Variants in DCC observed in about 807,000 individuals in gnomAD.
DCC encodes the protein DCC netrin 1 receptor.
DCC carries 58 observed loss-of-function variants against 172.5 expected under a neutral mutation model. That is an observed-to-expected ratio of 0.34 (90% CI 0.27 to 0.42). The LOEUF is 0.42. DCC is among the 10% of genes least tolerant of loss of function. The pLI, the probability that DCC is intolerant of heterozygous loss-of-function variation, is 1.00. For synonymous variants in DCC, 709 were observed against 644.5 expected (o/e 1.10, Z -1.52); for missense variants, 1,740 against 1,791.0 (o/e 0.97, Z 0.51).
intron 22 of DCC, among the ~76,000 whole-genome samples, chr18:53,446,098 C>CAAAAAAAAAAAAAAAAAAAA (rs1246126122): frequency 3.1e-5 from 1 of 32,280 alleles, no homozygotes; most frequent in Non-Finnish European, 1.1e-4. Context: ...CCTGTCTCTA[C>CAAAAAAAAAAAAAAAAAAAA]AAAAAAAAAA....
At chr18:53,350,584 G>T (rs1363197888) in intron 15 of DCC, among the ~76,000 whole-genome samples, 3 of 117,008 alleles carry the variant, frequency 2.6e-5, no homozygotes, top group Non-Finnish European at 5.7e-5. Flanking sequence ...TCTCCATAAT[G>T]TTTAATACTG....
At position 52,800,580 on chromosome 18, in the gene DCC, A is replaced by T. The variant is rs4940215; in HGVS notation, c.412+48206A>T. Among the ~76,000 whole-genome samples the T allele has an allele frequency of 1.3e-3, 198 of 152,240 alleles. 2 individuals carry two copies. Among genetic ancestry groups the T allele is most frequent in the African/African-American group, 4.4e-3 (182 of 41,536 alleles). ...TCAGTTGAAAATGGTGTTGACGGTG[A>T]GGTTAGATGCAGATAAAAAATAATC... On this transcript the variant is annotated intron_variant, in intron 2 of 28. Coordinates refer to ENST00000442544, the MANE Select transcript of DCC (RefSeq NM_005215.4).
At chr18:53,066,399 G>A (rs372296862) in intron 7 of DCC, among the ~76,000 whole-genome samples, 941 of 83,460 alleles carry the variant, frequency 0.011, 2 homozygotes, top group Non-Finnish European at 0.019. Flanking sequence ...ATATATATAT[G>A]TGCATGTGTG....
intron 1 of DCC, among the ~76,000 whole-genome samples, chr18:52,485,958 G>A (rs979167899): frequency 2.0e-5 from 3 of 151,816 alleles, no homozygotes; most frequent in Non-Finnish European, 2.9e-5. Context: ...AAAGACACTG[G>A]TATGTTTCTA....
At chr18:52,366,190 C>T (rs945522045) in intron 1 of DCC, among the ~76,000 whole-genome samples, 9 of 152,092 alleles carry the variant, frequency 5.9e-5, no homozygotes, top group Admixed American at 5.9e-4. Flanking sequence ...AATATTAGTA[C>T]TAATGTGTCC....
intron 1 of DCC, among the ~76,000 whole-genome samples, chr18:52,537,197 C>CAATAAGTT: frequency 6.6e-6 from 1 of 152,070 alleles, no homozygotes; most frequent in Non-Finnish European, 1.5e-5. Context: ...AAACTGAAAA[C>CAATAAGTT]AATAAGTTGC....
intron 15 of DCC, among the ~76,000 whole-genome samples, chr18:53,362,774 C>G (rs977053117): frequency 6.6e-6 from 1 of 151,742 alleles, no homozygotes; most frequent in African/African-American, 2.4e-5. Flanking sequence ...AAGAAGGGAC[C>G]CTTCCACCGC....
intron 19 of DCC, among the ~76,000 whole-genome samples, chr18:53,406,563 A>G (rs1275481700): frequency 2.0e-5 from 3 of 151,924 alleles, no homozygotes; most frequent in Non-Finnish European, 2.9e-5. Flanking sequence ...AATTAGCCAG[A>G]CATGATAGCA....
chr18:52,375,545 G>A (rs1308518306), intron 1 of DCC, among the ~76,000 whole-genome samples: 1 of 152,174 alleles, frequency 6.6e-6, no homozygotes, highest in Non-Finnish European at 1.5e-5. Flanking sequence ...ATGCTGCTAA[G>A]TGTTTAACAC....
At chr18:53,013,189 A>G (rs1395650247) in intron 5 of DCC, among the ~76,000 whole-genome samples, 1 of 152,150 alleles carries the variant, frequency 6.6e-6, no homozygotes, top group Non-Finnish European at 1.5e-5. Flanking sequence ...TAGAACCACA[A>G]ATACCATTTG....
chr18:53,035,874 T>C (rs2042085811), intron 5 of DCC, among the ~76,000 whole-genome samples: 1 of 149,270 alleles, frequency 6.7e-6, no homozygotes, highest in Admixed American at 6.6e-5. Flanking sequence ...CTTCCATACA[T>C]ATTTGCATAC....
chr18:52,993,114 G>T (rs2041422246), intron 5 of DCC, among the ~76,000 whole-genome samples: 2 of 151,960 alleles, frequency 1.3e-5, no homozygotes, highest in South Asian at 2.1e-4. Flanking sequence ...TGCCATAAAG[G>T]TAAGTTAAAT....
At chr18:53,473,361 A>G (rs1326010379) in intron 25 of DCC, among the ~76,000 whole-genome samples, 1 of 152,180 alleles carries the variant, frequency 6.6e-6, no homozygotes, top group Non-Finnish European at 1.5e-5. Flanking sequence ...ATATCTGTCG[A>G]ATGAAAAAAC....
intron 5 of DCC, among the ~76,000 whole-genome samples, chr18:53,057,817 T>C (rs1019967945): frequency 6.6e-6 from 1 of 151,986 alleles, no homozygotes; most frequent in African/African-American, 2.4e-5. Flanking sequence ...GAAAGCGTAA[T>C]GTGCAAAGGG....
chr18:52,957,004 A>G (rs1306918585), intron 5 of DCC, among the ~76,000 whole-genome samples: 1 of 152,136 alleles, frequency 6.6e-6, no homozygotes, highest in African/African-American at 2.4e-5. Flanking sequence ...GTGCCCTAGG[A>G]TTGATGTAAA....
chr18:53,182,331 C>T (rs2055210165), intron 9 of DCC, among the ~76,000 whole-genome samples: 1 of 152,116 alleles, frequency 6.6e-6, no homozygotes. Flanking sequence ...TATTAAATTA[C>T]CCATTTTCTT....
intron 13 of DCC, among the ~76,000 whole-genome samples, chr18:53,315,489 C>G (rs8087205): frequency 3.3e-5 from 5 of 151,958 alleles, no homozygotes; most frequent in African/African-American, 1.2e-4. Context: ...GTAATGGGAT[C>G]GCTGGGTCAA....
chr18:52,967,256 C>T (rs2040949266), intron 5 of DCC, among the ~76,000 whole-genome samples: 1 of 152,180 alleles, frequency 6.6e-6, no homozygotes, highest in African/African-American at 2.4e-5. Flanking sequence ...TTCATGGCCT[C>T]ATTCTTTTTC....
At chr18:53,395,586 T>G (rs1375935209) in intron 17 of DCC, among the ~76,000 whole-genome samples, 1 of 152,238 alleles carries the variant, frequency 6.6e-6, no homozygotes, top group Admixed American at 6.5e-5. Flanking sequence ...GAATTTCATC[T>G]TCCTGATTAT....
Sources: gnomAD v4.1 joint callset for allele counts (sites outside exome capture counted in the v4.1 genomes callset) on GRCh38, gnomAD v4.1.1 for gene constraint, MANE v1.5 for transcripts, NCBI Gene and HGNC (gene_info 2026-07-23, HGNC 2026-07-21) for gene names.